Variants in DPP10 observed in about 807,000 individuals in gnomAD.
The protein encoded by DPP10 is dipeptidyl peptidase like 10.
DPP10 carries 33 observed loss-of-function variants against 120.9 expected under a neutral mutation model. The ratio of observed to expected loss-of-function variants is 0.27; its 90% confidence interval spans 0.21 to 0.37. The LOEUF (loss-of-function observed/expected upper bound fraction) is 0.37. Among genes scored for constraint, DPP10 ranks in the 10% least tolerant of loss-of-function variants. DPP10 has a pLI of 1.00. For synonymous variants in DPP10, 337 were observed against 326.1 expected, an observed-to-expected ratio of 1.03 and a Z score of -0.36; for missense variants, 816 against 942.8, an observed-to-expected ratio of 0.87 and a Z score of 1.76.
At chr2:115,309,760 G>T (rs1157215346) in intron 2 of DPP10, among the ~76,000 whole-genome samples, 1 of 151,968 alleles carries the variant, frequency 6.6e-6, no homozygotes, top group Non-Finnish European at 1.5e-5. Flanking sequence ...AGGATTTGAT[G>T]GAAAAAGATC....
chr2:114,972,305 T>G (rs1699451431), intron 1 of DPP10, among the ~76,000 whole-genome samples: 1 of 152,212 alleles, frequency 6.6e-6, no homozygotes, highest in Admixed American at 6.5e-5. Flanking sequence ...TCAACAGATG[T>G]TACATTCAGT....
intron 1 of DPP10, among the ~76,000 whole-genome samples, chr2:114,686,372 C>A (rs1046735065): frequency 6.6e-6 from 1 of 151,830 alleles, no homozygotes; most frequent in Non-Finnish European, 1.5e-5. Context: ...AACTAAGTTC[C>A]AGCAAACCAA....
At chr2:115,308,162 G>A (rs974478246) in intron 1 of DPP10, among the ~76,000 whole-genome samples, 3 of 152,000 alleles carry the variant, frequency 2.0e-5, no homozygotes, top group South Asian at 2.1e-4. Flanking sequence ...TGACATCAAT[G>A]TTTTAATCTG....
At chr2:115,311,200 A>G (rs1305054797) in intron 2 of DPP10, among the ~76,000 whole-genome samples, 2 of 152,174 alleles carry the variant, frequency 1.3e-5, no homozygotes, top group East Asian at 1.9e-4. Flanking sequence ...GCAATTTGGC[A>G]AGTTATTTAA....
intron 3 of DPP10, among the ~76,000 whole-genome samples, chr2:115,389,350 G>A (rs994906720): frequency 1.4e-5 from 2 of 140,198 alleles, no homozygotes; most frequent in Admixed American, 7.3e-5. Flanking sequence ...GGCTTACTAC[G>A]TCTCAGTTAA....
rs373672983 is a variant in DPP10 at position 115,535,140 on chromosome 2, C to T, written c.441+9168C>T. On this transcript the variant is annotated intron_variant, in intron 5 of 25. Transcript: ENST00000410059. Reference sequence around the variant, plus strand: ...AATTAGATCCCATTTGTCAATTTTGCCTTTTGTTGCCATTGCTTTTGGTGT... The same window carrying T: ...AATTAGATCCCATTTGTCAATTTTGTCTTTTGTTGCCATTGCTTTTGGTGT... Among the ~76,000 whole-genome samples, 677 of 151,988 alleles carry T rather than the reference C, an allele frequency of 4.5e-3. 4 individuals carry two copies. The highest frequency in any genetic ancestry group is 0.015 in the African/African-American group (626 of 41,448).
intron 1 of DPP10, among the ~76,000 whole-genome samples, chr2:115,305,770 A>T (rs1466444797): frequency 6.6e-6 from 1 of 151,904 alleles, no homozygotes; most frequent in Non-Finnish European, 1.5e-5. Flanking sequence ...AAAAAAAATA[A>T]AATTTTCTAA....
chr2:115,581,027 CA>C (rs2081975908), intron 5 of DPP10, among the ~76,000 whole-genome samples: 1 of 152,136 alleles, frequency 6.6e-6, no homozygotes, highest in Non-Finnish European at 1.5e-5. Context: ...AGTGTCAAAG[CA>C]AATATGGTAT....
chr2:114,635,510 T>C (rs1161216732), intron 1 of DPP10, among the ~76,000 whole-genome samples: 6 of 151,986 alleles, frequency 3.9e-5, no homozygotes, highest in Non-Finnish European at 8.8e-5. Context: ...TGAAGCTATA[T>C]GAGCAAGACT....
chr2:115,566,621 G>C (rs940170439), intron 5 of DPP10, among the ~76,000 whole-genome samples: 5 of 151,928 alleles, frequency 3.3e-5, no homozygotes, highest in Admixed American at 2.6e-4. Context: ...CTTATTTTTT[G>C]TTACTGTAAG....
At position 115,840,829 on chromosome 2, in the gene DPP10, C is replaced by T. The variant is rs1271489273; in HGVS notation, c.2256+6C>T. 2 of 1,607,064 alleles carry T rather than the reference C, an allele frequency of 1.2e-6. No homozygotes were observed. Among genetic ancestry groups the T allele is most frequent in the Non-Finnish European group, 1.7e-6 (2 of 1,176,274 alleles). ...GAGTGAATTATACTATGCAGGTAAG[C>T]TACTTTCTTAGAAGAACGTGTTTTC... On this transcript the variant is annotated splice_donor_region_variant and intron_variant, in intron 25 of 25. Coordinates refer to ENST00000410059, the MANE Select transcript of DPP10 (RefSeq NM_020868.6).
At chr2:114,510,657 CA>C (rs1430017122) in intron 1 of DPP10, among the ~76,000 whole-genome samples, 1 of 152,048 alleles carries the variant, frequency 6.6e-6, no homozygotes, top group African/African-American at 2.4e-5. Flanking sequence ...TGGGTTAATG[CA>C]AGTAAAATAC....
chr2:115,795,183 A>T lies in DPP10; in HGVS notation c.1700+3827A>T, dbSNP rs180850610. On this transcript the variant is annotated intron_variant, in intron 19 of 25. Transcript: ENST00000410059. ...AATCCAGAAGGTTGTACTGTTATTT[A>T]AAAAGAAGGGATTTTTGTTTTTGTT... Among the ~76,000 whole-genome samples the T allele has an allele frequency of 3.3e-5, 5 of 152,298 alleles. No homozygotes were observed. The East Asian group carries it at 9.7e-4, about 29-fold the overall frequency.
intron 17 of DPP10, among the ~76,000 whole-genome samples, chr2:115,786,549 C>T (rs933210982): frequency 1.3e-5 from 2 of 151,866 alleles, no homozygotes; most frequent in South Asian, 2.1e-4. Context: ...ACAAAATATA[C>T]AAATCAACTG....
chr2:115,370,310 G>A (rs1297938329), intron 3 of DPP10, among the ~76,000 whole-genome samples: 1 of 152,136 alleles, frequency 6.6e-6, no homozygotes, highest in Non-Finnish European at 1.5e-5. Context: ...GCCCCCTGAT[G>A]ATTTTAGAAA....
intron 1 of DPP10, among the ~76,000 whole-genome samples, chr2:114,498,306 G>A (rs879600824): frequency 2.6e-5 from 4 of 152,012 alleles, no homozygotes; most frequent in Non-Finnish European, 5.9e-5. Context: ...TTGAACAACA[G>A]CTCCCTACTT....
At chr2:115,395,124 A>G (rs1224494238) in intron 3 of DPP10, among the ~76,000 whole-genome samples, 3 of 152,058 alleles carry the variant, frequency 2.0e-5, no homozygotes, top group South Asian at 2.1e-4. Flanking sequence ...AATGAAATGT[A>G]TTTTCTCATG....
intron 1 of DPP10, among the ~76,000 whole-genome samples, chr2:114,670,203 A>C (rs1209445076): frequency 2.6e-5 from 4 of 152,184 alleles, no homozygotes; most frequent in Non-Finnish European, 4.4e-5. Flanking sequence ...TCATGCTGCT[A>C]TAAAGACACA....
intron 5 of DPP10, among the ~76,000 whole-genome samples, chr2:115,618,315 G>A (rs138998640): frequency 1.3e-5 from 2 of 152,202 alleles, no homozygotes; most frequent in African/African-American, 2.4e-5. Context: ...CAATGTGTCA[G>A]TTGAGTGAAC....
Sources: gnomAD v4.1 joint callset for allele counts (sites outside exome capture counted in the v4.1 genomes callset) on GRCh38, gnomAD v4.1.1 for gene constraint, MANE v1.5 for transcripts, NCBI Gene and HGNC (gene_info 2026-07-23, HGNC 2026-07-21) for gene names.